Variants in ERBB4 observed in about 807,000 individuals in gnomAD.
The protein encoded by ERBB4 is receptor tyrosine-protein kinase erbB-4.
In ERBB4, 42 loss-of-function variants were observed where a neutral mutation model predicts 158.0. The observed-to-expected ratio is 0.27, with a 90% confidence interval of 0.21 to 0.34. The LOEUF (loss-of-function observed/expected upper bound fraction) is 0.34. ERBB4 is among the 10% of genes least tolerant of loss of function. ERBB4 has a pLI of 1.00. For synonymous variants in ERBB4, 583 were observed against 558.7 expected (o/e 1.04, Z -0.61); for missense variants, 1,333 against 1,624.1 (o/e 0.82, Z 3.08).
At chr2:211,763,633 CT>C (rs928346855) in intron 4 of ERBB4, among the ~76,000 whole-genome samples, 1 of 151,872 alleles carries the variant, frequency 6.6e-6, no homozygotes, top group African/African-American at 2.4e-5. Flanking sequence ...TACAGCCTTC[CT>C]TTTTTATTAT....
intron 3 of ERBB4, among the ~76,000 whole-genome samples, chr2:211,904,615 T>C (rs1348531650): frequency 6.6e-6 from 1 of 152,164 alleles, no homozygotes; most frequent in Non-Finnish European, 1.5e-5. Flanking sequence ...TATTAATTAT[T>C]ACATTATTAC....
At chr2:211,467,006 A>C (rs1397666839) in intron 20 of ERBB4, among the ~76,000 whole-genome samples, 2 of 152,100 alleles carry the variant, frequency 1.3e-5, no homozygotes, top group African/African-American at 4.8e-5. Flanking sequence ...AATGCATTAT[A>C]TTATATATAT....
chr2:211,615,931 C>T (rs2069370397), intron 19 of ERBB4, among the ~76,000 whole-genome samples: 1 of 151,994 alleles, frequency 6.6e-6, no homozygotes, highest in Non-Finnish European at 1.5e-5. Flanking sequence ...TCTTTGAAAG[C>T]TTTTTTCCCC....
intron 1 of ERBB4, among the ~76,000 whole-genome samples, chr2:212,286,455 T>TCAA (rs2085963925): frequency 1.3e-5 from 2 of 152,066 alleles, no homozygotes; most frequent in Non-Finnish European, 2.9e-5. Flanking sequence ...ATCTCTGTGT[T>TCAA]ATATCTGGAC....
At position 212,531,835 on chromosome 2, in the gene ERBB4, G is replaced by A. The variant is rs114693690; in HGVS notation, c.82+6614C>T. ...AATTCAAGATTCTATGTCTCCATAG[G>A]CCTAACCAGGTAAAGAAATCCTCTT... On this transcript the variant is annotated intron_variant, in intron 1 of 27. Transcript: ENST00000342788. Among the ~76,000 whole-genome samples, 176 of 152,260 alleles carry A rather than the reference G, an allele frequency of 1.2e-3. 2 individuals carry two copies. Among genetic ancestry groups the A allele is most frequent in the African/African-American group, 4.1e-3 (169 of 41,550 alleles).
intron 1 of ERBB4, among the ~76,000 whole-genome samples, chr2:212,133,407 G>GTTTTT (rs757664716): frequency 1.6e-5 from 1 of 60,814 alleles, no homozygotes; most frequent in African/African-American, 3.5e-5. Context: ...TTTTTTTTTT[G>GTTTTT]TTTTGTTTTG....
intron 1 of ERBB4, among the ~76,000 whole-genome samples, chr2:212,475,713 G>C (rs1356200030): frequency 6.6e-6 from 1 of 152,044 alleles, no homozygotes; most frequent in Non-Finnish European, 1.5e-5. Flanking sequence ...TGAATAACAT[G>C]ATGAAAAAAT....
At chr2:212,538,428 G>A (rs549871615) in intron 1 of ERBB4, 21 bp downstream of exon 1, 3 of 1,611,002 alleles carry the variant, frequency 1.9e-6, no homozygotes, top group Non-Finnish European at 2.5e-6. Flanking sequence ...TTCGGCGACC[G>A]GAGTGCCAGA....
At chr2:211,779,602 T>C (rs1258195366) in intron 4 of ERBB4, 2 of 152,232 alleles carry the variant, frequency 1.3e-5, no homozygotes, top group Non-Finnish European at 2.9e-5. Context: ...CATATGGTCA[T>C]TTATCTCACT....
At chr2:212,306,159 G>A (rs1038653869) in intron 1 of ERBB4, among the ~76,000 whole-genome samples, 1 of 151,286 alleles carries the variant, frequency 6.6e-6, no homozygotes, top group Non-Finnish European at 1.5e-5. Context: ...ATATATAGTA[G>A]TATTCTGCTT....
Position 211,420,344 on chromosome 2 carries a change from G to C in ERBB4, c.3135+97C>G, listed in dbSNP as rs75879069. 4.2e-3 allele frequency: 3,641 copies of C among 862,830 alleles called. 82 individuals carry two copies. The African/African-American group carries it at 0.054, about 13-fold the overall frequency. The allele number at this position is 862,830 out of a possible 1,614,324, so 53.4% of individuals were successfully genotyped here. A position where few individuals can be genotyped will look rare whatever the true frequency, so the allele number is the denominator to read the frequency against. On this transcript the variant is annotated intron_variant, in intron 25 of 27. Transcript: ENST00000342788. ...TTTAATCTAGGCATCACATTGATTT[G>C]AGCTATATAATTATTTTGAAATGTT... is the stretch of plus-strand genomic sequence containing the variant.
rs575166013 is a variant in ERBB4, at chr2:211,921,496, C to T, written c.421+25934G>A. Among the ~76,000 whole-genome samples, 12 of 152,158 alleles carry T rather than the reference C, an allele frequency of 7.9e-5. No individual in the cohort carries two copies. The South Asian group carries it at 1.2e-3, about 16-fold the overall frequency. On this transcript the variant is annotated intron_variant, in intron 3 of 27. Coordinates refer to ENST00000342788, the MANE Select transcript of ERBB4 (RefSeq NM_005235.3). The stretch of plus-strand genomic sequence containing the variant: ...CTAAAACTCGAGTTAGAAAAACCAA[C>T]GTCTCTCCATCCAGCTATCCATTCA...
At chr2:212,471,072 A>G (rs1689093592) in intron 1 of ERBB4, among the ~76,000 whole-genome samples, 2 of 152,002 alleles carry the variant, frequency 1.3e-5, no homozygotes, top group Non-Finnish European at 2.9e-5. Context: ...CATAACTCAA[A>G]CATGAGAGAG....
chr2:211,387,466 G>A (rs954791350), intron 26 of ERBB4, among the ~76,000 whole-genome samples: 1 of 152,118 alleles, frequency 6.6e-6, no homozygotes, highest in Non-Finnish European at 1.5e-5. Context: ...AAATTTCAAA[G>A]TGAATTTTTA....
At chr2:211,504,568 C>A (rs2065698302) in intron 20 of ERBB4, among the ~76,000 whole-genome samples, 1 of 152,072 alleles carries the variant, frequency 6.6e-6, no homozygotes, top group Non-Finnish European at 1.5e-5. Flanking sequence ...TGTTGTGACA[C>A]TCCCAAAGGA....
intron 1 of ERBB4, among the ~76,000 whole-genome samples, chr2:212,355,827 T>A (rs933462441): frequency 3.3e-5 from 5 of 151,984 alleles, no homozygotes; most frequent in African/African-American, 1.2e-4. Context: ...AGTGTGTATA[T>A]ATATGTGTAT....
At chr2:211,977,258 G>T (rs2081636767) in intron 2 of ERBB4, among the ~76,000 whole-genome samples, 1 of 152,092 alleles carries the variant, frequency 6.6e-6, no homozygotes, top group African/African-American at 2.4e-5. Flanking sequence ...TAAGTTGGAA[G>T]TCTTTCCCTT....
chr2:212,021,842 AC>A (rs1351053032), intron 2 of ERBB4, among the ~76,000 whole-genome samples: 1 of 151,988 alleles, frequency 6.6e-6, no homozygotes, highest in African/African-American at 2.4e-5. Context: ...AGAAAAAAAA[AC>A]ATTAAAAACT....
intron 1 of ERBB4, among the ~76,000 whole-genome samples, chr2:212,512,632 G>A (rs1691588543): frequency 6.6e-6 from 1 of 152,076 alleles, no homozygotes; most frequent in Non-Finnish European, 1.5e-5. Flanking sequence ...GTTTTAAAAA[G>A]TATTTTACTT....
Sources: gnomAD v4.1 joint callset for allele counts (sites outside exome capture counted in the v4.1 genomes callset) on GRCh38, gnomAD v4.1.1 for gene constraint, MANE v1.5 for transcripts, NCBI Gene and HGNC (gene_info 2026-07-23, HGNC 2026-07-21) for gene names.